Variants in GULP1 observed in about 807,000 individuals in gnomAD.
GULP1 encodes GULP PTB domain containing engulfment adaptor 1.
Under a neutral mutation model 40.9 loss-of-function variants are expected in GULP1, and 19 were observed. The ratio of observed to expected loss-of-function variants is 0.46; its 90% CI spans 0.32 to 0.68. The LOEUF is 0.68. Among genes scored for constraint, GULP1 ranks in the 30% least tolerant of loss-of-function variants. GULP1 has a pLI of 0.03. For synonymous variants in GULP1, 119 were observed against 117.6 expected, an observed-to-expected ratio of 1.01 and a Z score of -0.08; for missense variants, 312 against 362.2, an observed-to-expected ratio of 0.86 and a Z score of 1.12.
intron 9 of GULP1, among the ~76,000 whole-genome samples, chr2:188,583,730 T>C (rs888195548): frequency 2.6e-5 from 4 of 152,170 alleles, no homozygotes; most frequent in African/African-American, 9.7e-5. Flanking sequence ...GCAATGAATA[T>C]CAGTTGGTTC....
intron 1 of GULP1, among the ~76,000 whole-genome samples, chr2:188,361,785 G>C (rs951577982): frequency 5.9e-5 from 9 of 152,100 alleles, no homozygotes; most frequent in Non-Finnish European, 1.2e-4. Flanking sequence ...GATGTATATG[G>C]TGACAACTAT....
intron 2 of GULP1, among the ~76,000 whole-genome samples, chr2:188,457,177 T>A (rs2152944813): frequency 6.6e-6 from 1 of 152,302 alleles, no homozygotes; most frequent in African/African-American, 2.4e-5. Flanking sequence ...ATGCTGAAAT[T>A]AGTTAAGACT....
intron 2 of GULP1, among the ~76,000 whole-genome samples, chr2:188,450,408 G>A (rs1441404814): frequency 6.6e-6 from 1 of 151,916 alleles, no homozygotes; most frequent in East Asian, 1.9e-4. Flanking sequence ...ACCATTTCTT[G>A]CCAATATATG....
At chr2:188,547,756 C>T (rs967339662) in intron 7 of GULP1, among the ~76,000 whole-genome samples, 1 of 152,058 alleles carries the variant, frequency 6.6e-6, no homozygotes, top group Non-Finnish European at 1.5e-5. Flanking sequence ...TCAGTAATAA[C>T]CATCACATGC....
In GULP1 at chr2:188,551,608, A is replaced by G. The variant is rs187505101; in HGVS notation, c.399+10290A>G. Among the ~76,000 whole-genome samples, 699 of 151,806 alleles carry G rather than the reference A, an allele frequency of 4.6e-3. 8 individuals carry two copies. Among genetic ancestry groups the G allele is most frequent in the African/African-American group, 0.016 (670 of 41,512 alleles). ...TTTAGGTTGATTCCATATGTTTGCT[A>G]TTGTGAATAGTGCTGAAATAAACAT... On this transcript the variant is annotated intron_variant, in intron 7 of 11. Transcript: ENST00000409830.
At chr2:188,550,465 C>T (rs1216903103) in intron 7 of GULP1, among the ~76,000 whole-genome samples, 4 of 145,362 alleles carry the variant, frequency 2.8e-5, no homozygotes, top group Non-Finnish European at 4.5e-5. Context: ...AATAAATATA[C>T]CTTATTTGCT....
At chr2:188,465,375 T>C (rs2060026070) in intron 2 of GULP1, among the ~76,000 whole-genome samples, 1 of 151,816 alleles carries the variant, frequency 6.6e-6, no homozygotes, top group Admixed American at 6.6e-5. Flanking sequence ...TGAGCTGGTA[T>C]CCAAGAGGCA....
chr2:188,488,385 C>T (rs988152784), intron 4 of GULP1, among the ~76,000 whole-genome samples: 2 of 151,966 alleles, frequency 1.3e-5, no homozygotes, highest in African/African-American at 4.8e-5. Flanking sequence ...TTAATAACTA[C>T]AAATATCAAA....
chr2:188,366,782 A>G (rs1487882219), intron 1 of GULP1, among the ~76,000 whole-genome samples: 1 of 151,660 alleles, frequency 6.6e-6, no homozygotes, highest in African/African-American at 2.4e-5. Flanking sequence ...TTTAGTAGAG[A>G]TGGGGTTTCA....
chr2:188,512,859 A>AT (rs1264457524), intron 4 of GULP1, among the ~76,000 whole-genome samples: 63 of 151,820 alleles, frequency 4.1e-4, no homozygotes, highest in African/African-American at 1.5e-3. Flanking sequence ...CTTTGTTTTC[A>AT]TTTTAACTAT....
At chr2:188,500,608 A>C (rs1467947557) in intron 4 of GULP1, among the ~76,000 whole-genome samples, 3 of 151,958 alleles carry the variant, frequency 2.0e-5, no homozygotes, top group Admixed American at 2.0e-4. Context: ...TGCTAAAATA[A>C]GTACCAGTTT....
rs146318127 is a variant in GULP1 at position 188,533,565 on chromosome 2, C to T, written c.261+4370C>T. On this transcript the variant is annotated intron_variant, in intron 6 of 11. Transcript: ENST00000409830. ...TAGGAAACACCATTCCGGACATTGC[C>T]CTTGGGAAAGAATTGATGACTAAGT... 3.9e-5 allele frequency among the ~76,000 whole-genome samples: 6 copies of T among 152,058 alleles called. No homozygotes were observed. The East Asian group carries it at 1.2e-3, about 29-fold the overall frequency.
rs201368546 is a variant in GULP1 at position 188,429,029 on chromosome 2, A to T, written c.-45+45140A>T. 3.9e-5 allele frequency among the ~76,000 whole-genome samples: 6 copies of T among 152,304 alleles called. No homozygotes were observed. The East Asian group carries it at 9.7e-4, about 25-fold the overall frequency. On this transcript the variant is annotated intron_variant, in intron 2 of 11. Transcript: ENST00000409830. ...TTTAAATTATTTGGGACTAAGTCAA[A>T]GAACATATTATATTGTTAGATAGAG...
At chr2:188,329,757 G>T (rs1450148270) in intron 1 of GULP1, among the ~76,000 whole-genome samples, 1 of 152,108 alleles carries the variant, frequency 6.6e-6, no homozygotes, top group Non-Finnish European at 1.5e-5. Context: ...AAAGGCAATG[G>T]TGATTGTAGA....
chr2:188,575,095 A>G (rs1455551322), intron 9 of GULP1, among the ~76,000 whole-genome samples: 1 of 152,212 alleles, frequency 6.6e-6, no homozygotes, highest in Non-Finnish European at 1.5e-5. Context: ...TTGAATAAAA[A>G]TATTCAAGAC....
chr2:188,523,377 A>T (rs2153227400), intron 5 of GULP1, among the ~76,000 whole-genome samples: 1 of 152,160 alleles, frequency 6.6e-6, no homozygotes, highest in South Asian at 2.1e-4. Flanking sequence ...TTAATAAGCA[A>T]CCCCACATAT....
At chr2:188,460,202 G>A (rs2059586670) in intron 2 of GULP1, among the ~76,000 whole-genome samples, 1 of 152,086 alleles carries the variant, frequency 6.6e-6, no homozygotes. Flanking sequence ...TATTTTGATA[G>A]GGATTTCATT....
At chr2:188,364,223 G>A (rs886826627) in intron 1 of GULP1, among the ~76,000 whole-genome samples, 5 of 152,130 alleles carry the variant, frequency 3.3e-5, no homozygotes, top group Admixed American at 1.3e-4. Flanking sequence ...GGGAAATCCC[G>A]TTTGGCTTTC....
At chr2:188,563,214 G>C (rs1228549157) in intron 7 of GULP1, among the ~76,000 whole-genome samples, 3 of 151,872 alleles carry the variant, frequency 2.0e-5, no homozygotes, top group Non-Finnish European at 2.9e-5. Context: ...AAATTAACAA[G>C]GCCAAATATT....
Sources: allele counts gnomAD v4.1 joint callset (sites outside exome capture counted in the v4.1 genomes callset), GRCh38; gene constraint gnomAD v4.1.1; transcripts MANE v1.5; gene names NCBI Gene and HGNC (gene_info 2026-07-23, HGNC 2026-07-21).